DLG2: variants seen among roughly 807,000 people sequenced by gnomAD.
DLG2 encodes the protein discs large MAGUK scaffold protein 2.
A neutral mutation model predicts 132.5 loss-of-function variants in DLG2; 45 were observed. The ratio of observed to expected loss-of-function variants is 0.34; its 90% confidence interval spans 0.27 to 0.44. The LOEUF (loss-of-function observed/expected upper bound fraction) is 0.44, where lower values mean the gene tolerates loss of function less well. Among genes scored for constraint, DLG2 ranks in the 20% least tolerant of loss-of-function variants. The pLI, the probability that DLG2 is intolerant of heterozygous loss-of-function variation, is 1.00. For missense variants in DLG2, 1,045 were observed against 1,196.9 expected, an observed-to-expected ratio of 0.87 and a Z score of 1.87; for synonymous variants, 424 against 419.6, an observed-to-expected ratio of 1.01 and a Z score of -0.13.
intron 18 of DLG2, among the ~76,000 whole-genome samples, chr11:83,708,954 TC>T (rs1254891196): frequency 4.6e-5 from 7 of 152,264 alleles, no homozygotes; most frequent in Admixed American, 3.9e-4. Flanking sequence ...AATCTGTTTT[TC>T]ATAGTCTCTA....
chr11:85,490,724 T>C (rs905105275), intron 3 of DLG2, among the ~76,000 whole-genome samples: 12 of 152,072 alleles, frequency 7.9e-5, no homozygotes, highest in Admixed American at 6.5e-4. Context: ...ATTTCTAAAA[T>C]CATACAACCT....
intron 9 of DLG2, among the ~76,000 whole-genome samples, chr11:84,127,013 G>C (rs759296924): frequency 2.6e-5 from 4 of 152,178 alleles, no homozygotes; most frequent in Non-Finnish European, 4.4e-5. Context: ...AGAGCAGCTT[G>C]AAAATATCTA....
intron 6 of DLG2, among the ~76,000 whole-genome samples, chr11:84,703,053 C>T (rs1405959596): frequency 6.6e-6 from 1 of 151,496 alleles, no homozygotes; most frequent in African/African-American, 2.4e-5. Context: ...GGAGTTTATA[C>T]TTGTAAAAAG....
chr11:83,891,945 A>C (rs2070033189), intron 15 of DLG2, among the ~76,000 whole-genome samples: 1 of 152,172 alleles, frequency 6.6e-6, no homozygotes. Context: ...TGACATCTGC[A>C]ATCTGAATCT....
At chr11:85,398,998 T>G (rs139983265) in intron 3 of DLG2, among the ~76,000 whole-genome samples, 101 of 152,324 alleles carry the variant, frequency 6.6e-4, no homozygotes, top group African/African-American at 2.2e-3. Context: ...TTGTCCCTGT[T>G]TGCAGACCAC....
At chr11:83,794,940 G>A (rs562369629) in intron 17 of DLG2, among the ~76,000 whole-genome samples, 27 of 152,234 alleles carry the variant, frequency 1.8e-4, no homozygotes, top group African/African-American at 4.3e-4. Context: ...AGATGATTGG[G>A]TGTGTTTTGC....
intron 20 of DLG2, among the ~76,000 whole-genome samples, chr11:83,538,829 G>A (rs1054185960): frequency 6.6e-6 from 1 of 152,170 alleles, no homozygotes; most frequent in Non-Finnish European, 1.5e-5. Context: ...CACAAGTGAT[G>A]GGCTCCAGGT....
intron 8 of DLG2, among the ~76,000 whole-genome samples, chr11:84,216,922 A>C (rs1426997396): frequency 2.6e-5 from 4 of 152,220 alleles, no homozygotes; most frequent in African/African-American, 7.2e-5. Flanking sequence ...AAATATAGTA[A>C]AAATTCAAGG....
intron 18 of DLG2, among the ~76,000 whole-genome samples, chr11:83,728,350 CTT>C (rs1181193825): frequency 1.3e-5 from 2 of 152,224 alleles, no homozygotes; most frequent in Admixed American, 6.5e-5. Context: ...AATAGCCTCT[CTT>C]CTCACCATCT....
Position 83,884,868 on chromosome 11 carries a change from A to G in DLG2, c.1497-10380T>C, listed in dbSNP as rs562323684. 4.6e-5 allele frequency among the ~76,000 whole-genome samples: 7 copies of G among 152,358 alleles called. No individual in the cohort carries two copies. The East Asian group carries it at 1.4e-3, about 29-fold the overall frequency. On this transcript the variant is annotated intron_variant, in intron 15 of 27. Coordinates refer to ENST00000376104, the MANE Select transcript of DLG2 (RefSeq NM_001142699.3). The stretch of plus-strand genomic sequence containing the variant: ...GAGTGGACCTCTAGCAAACTCCAAC[A>G]GACCTGCAGCTGAGGGTCCTGTCTG...
chr11:83,920,786 AG>A (rs61607555), intron 15 of DLG2, among the ~76,000 whole-genome samples: 73,320 of 151,804 alleles, frequency 0.48, 18,135 homozygotes, highest in East Asian at 0.85. Flanking sequence ...AAAGCTAGAA[AG>A]TTGTGGAGGC....
At chr11:83,710,346 C>A (rs2085118933) in intron 18 of DLG2, among the ~76,000 whole-genome samples, 1 of 151,956 alleles carries the variant, frequency 6.6e-6, no homozygotes, top group South Asian at 2.1e-4. Context: ...ATTTTTGATA[C>A]AGACAGGGTT....
At chr11:85,525,879 G>A (rs568532936) in intron 3 of DLG2, among the ~76,000 whole-genome samples, 1 of 152,216 alleles carries the variant, frequency 6.6e-6, no homozygotes, top group South Asian at 2.1e-4. Flanking sequence ...AGATCTCAGA[G>A]AGTACCGGAG....
intron 3 of DLG2, among the ~76,000 whole-genome samples, chr11:85,475,313 T>C (rs1227708731): frequency 6.6e-6 from 1 of 151,718 alleles, no homozygotes; most frequent in Non-Finnish European, 1.5e-5. Flanking sequence ...AAAAAATTAA[T>C]CTCTACCTTC....
intron 21 of DLG2, among the ~76,000 whole-genome samples, chr11:83,516,485 C>T (rs1411104697): frequency 2.6e-5 from 4 of 152,150 alleles, no homozygotes; most frequent in Non-Finnish European, 5.9e-5. Context: ...TCCAATTTGC[C>T]AGTCTGTGCC....
intron 6 of DLG2, among the ~76,000 whole-genome samples, chr11:84,726,004 C>T (rs2062404910): frequency 6.6e-6 from 1 of 152,052 alleles, no homozygotes; most frequent in Non-Finnish European, 1.5e-5. Context: ...CTTCCATACT[C>T]CTCTTACTGA....
chr11:84,543,429 C>G (rs1333658439), intron 6 of DLG2, among the ~76,000 whole-genome samples: 32 of 152,172 alleles, frequency 2.1e-4, no homozygotes, highest in Admixed American at 2.1e-3. Context: ...TCAGGGCACC[C>G]TGTCCTTATT....
intron 18 of DLG2, among the ~76,000 whole-genome samples, chr11:83,661,321 T>C (rs1260929873): frequency 1.3e-5 from 2 of 152,182 alleles, no homozygotes; most frequent in Non-Finnish European, 2.9e-5. Flanking sequence ...AATAACTATT[T>C]ATATAGTTGT....
At chr11:84,723,714 G>A (rs1304330054) in intron 6 of DLG2, among the ~76,000 whole-genome samples, 2 of 152,012 alleles carry the variant, frequency 1.3e-5, no homozygotes, top group Non-Finnish European at 2.9e-5. Flanking sequence ...ATATTTTTAG[G>A]AGATATTACT....
Sources: allele counts gnomAD v4.1 joint callset (sites outside exome capture counted in the v4.1 genomes callset), GRCh38; gene constraint gnomAD v4.1.1; transcripts MANE v1.5; gene names NCBI Gene and HGNC (gene_info 2026-07-23, HGNC 2026-07-21).